ATE1: variants seen among roughly 807,000 people sequenced by gnomAD.
ATE1 encodes the protein arginyl-tRNA--protein transferase 1.
A neutral mutation model predicts 70.5 loss-of-function variants in ATE1; 36 were observed. The ratio of observed to expected loss-of-function variants is 0.51; its 90% confidence interval spans 0.39 to 0.67. ATE1 has a LOEUF of 0.67. Among genes scored for constraint, ATE1 ranks in the 30% least tolerant of loss-of-function variants. ATE1 has a pLI of 0.00. For missense variants in ATE1, 593 were observed against 629.5 expected, an observed-to-expected ratio of 0.94 and a Z score of 0.62; for synonymous variants, 232 against 219.3, an observed-to-expected ratio of 1.06 and a Z score of -0.51.
chr10:121,856,839 G>A (rs568983566), intron 8 of ATE1, among the ~76,000 whole-genome samples: 11 of 152,280 alleles, frequency 7.2e-5, no homozygotes, highest in South Asian at 4.1e-4. Context: ...GCAACGAAGC[G>A]TAACAAAATG....
intron 11 of ATE1, among the ~76,000 whole-genome samples, chr10:121,773,108 C>T (rs893350043): frequency 6.6e-6 from 1 of 152,178 alleles, no homozygotes; most frequent in Non-Finnish European, 1.5e-5. Flanking sequence ...AGGAATGTAC[C>T]ATTACTTCAG....
At chr10:121,834,722 G>GA (rs953539146) in intron 10 of ATE1, among the ~76,000 whole-genome samples, 25 of 151,194 alleles carry the variant, frequency 1.7e-4, no homozygotes, top group Non-Finnish European at 3.2e-4. Context: ...GAAGAAAAAA[G>GA]AAAAAAAACA....
chr10:121,797,547 A>G (rs1946706908), intron 10 of ATE1, among the ~76,000 whole-genome samples: 1 of 151,290 alleles, frequency 6.6e-6, no homozygotes, highest in Non-Finnish European at 1.5e-5. Context: ...ATTTAAAAAT[A>G]GAATATTTCC....
intron 7 of ATE1, among the ~76,000 whole-genome samples, chr10:121,893,101 C>A (rs1226941425): frequency 6.6e-6 from 1 of 151,764 alleles, no homozygotes; most frequent in African/African-American, 2.4e-5. Flanking sequence ...CATAGTGAAA[C>A]CCCATCTCTA....
intron 5 of ATE1, among the ~76,000 whole-genome samples, chr10:121,904,667 C>A (rs1367874716): frequency 3.5e-5 from 5 of 141,742 alleles, no homozygotes; most frequent in Non-Finnish European, 6.1e-5. Flanking sequence ...AAAAAAATCC[C>A]AAAACAGGGT....
chr10:121,919,097 C>G (rs887068330), intron 3 of ATE1, among the ~76,000 whole-genome samples: 1 of 152,106 alleles, frequency 6.6e-6, no homozygotes, highest in Admixed American at 6.5e-5. Flanking sequence ...TAAAAGCTGG[C>G]CACCCTACCC....
At chr10:121,839,037 A>G (rs981648649) in intron 9 of ATE1, among the ~76,000 whole-genome samples, 8 of 152,156 alleles carry the variant, frequency 5.3e-5, no homozygotes, top group Non-Finnish European at 7.4e-5. Context: ...TTTTGCTTCA[A>G]GAGGTCAATC....
At chr10:121,871,739 G>C (rs1949868212) in intron 7 of ATE1, among the ~76,000 whole-genome samples, 3 of 151,152 alleles carry the variant, frequency 2.0e-5, no homozygotes, top group Admixed American at 2.0e-4. Flanking sequence ...CAAAAAAAAA[G>C]GAAAGAAAAG....
intron 2 of ATE1, among the ~76,000 whole-genome samples, 154 bp from the exon 3 acceptor site, chr10:121,922,565 C>G (rs1951924395): frequency 6.6e-6 from 1 of 152,200 alleles, no homozygotes; most frequent in African/African-American, 2.4e-5. Flanking sequence ...AAATAATCTT[C>G]AAAGTGCGTG....
intron 11 of ATE1, among the ~76,000 whole-genome samples, chr10:121,771,785 A>T (rs1231410531): frequency 1.3e-5 from 2 of 152,224 alleles, no homozygotes; most frequent in Non-Finnish European, 2.9e-5. Context: ...AAATGGAATG[A>T]GCAAAACAGC....
intron 3 of ATE1, among the ~76,000 whole-genome samples, chr10:121,921,358 A>C (rs1324792579): frequency 6.6e-6 from 1 of 151,460 alleles, no homozygotes; most frequent in Non-Finnish European, 1.5e-5. Flanking sequence ...AAAGATAAAT[A>C]AGCTTTCCTG....
At chr10:121,885,038 A>G (rs1016656987) in intron 7 of ATE1, among the ~76,000 whole-genome samples, 4 of 152,048 alleles carry the variant, frequency 2.6e-5, no homozygotes, top group African/African-American at 9.7e-5. Flanking sequence ...AGGCAGGTGG[A>G]TCACCTGAGA....
chr10:121,822,580 C>A (rs1296784261), intron 10 of ATE1, among the ~76,000 whole-genome samples: 2 of 152,116 alleles, frequency 1.3e-5, no homozygotes, highest in African/African-American at 4.8e-5. Context: ...GTAAGAGACA[C>A]GAATTCACAG....
intron 4 of ATE1, among the ~76,000 whole-genome samples, chr10:121,911,522 G>C (rs1951431676): frequency 6.6e-6 from 1 of 151,214 alleles, no homozygotes; most frequent in Admixed American, 6.6e-5. Context: ...TGGTGACCAA[G>C]CTCCTGCCAA....
chr10:121,831,402 C>A (rs73364413), intron 10 of ATE1, among the ~76,000 whole-genome samples: 4,971 of 152,262 alleles, frequency 0.033, 154 homozygotes, highest in African/African-American at 0.082. Flanking sequence ...ACAGACAACA[C>A]ACACACACAT....
At chr10:121,775,430 T>C (rs1213168314) in intron 11 of ATE1, among the ~76,000 whole-genome samples, 1 of 152,056 alleles carries the variant, frequency 6.6e-6, no homozygotes, top group Non-Finnish European at 1.5e-5. Context: ...CATGTATAAC[T>C]ATGTAACCAA....
At position 121,841,235 on chromosome 10, in the gene ATE1, C is replaced by A. The variant is rs773360525; in HGVS notation, c.1004G>T (p.Cys335Phe). Residue 335 changes from cysteine to phenylalanine, a missense_variant, in exon 9 of 12, where the codon TGT becomes TTT. Transcript: ENST00000224652. ...CTGCTGGTGAAAGGAGCCATAGCCA[C>A]AATCTGGCCCATTAGGGGGAGTCTC... is the stretch of plus-strand genomic sequence containing the variant. ...EAETPPNGPD[C>F]GYGSFHQQYW... 8 of 1,536,720 alleles carry A rather than the reference C, an allele frequency of 5.2e-6. No homozygotes were observed. In the Admixed American group the frequency reaches 1.1e-4, roughly 20 times the overall value.
intron 8 of ATE1, chr10:121,846,741 T>A (rs371406219): frequency 6.7e-6 from 1 of 148,724 alleles, no homozygotes; most frequent in Non-Finnish European, 1.5e-5. Context: ...AATAAATAAA[T>A]AAAATGTTAT....
chr10:121,896,534 C>T (rs1046317518), intron 7 of ATE1, among the ~76,000 whole-genome samples: 4 of 152,096 alleles, frequency 2.6e-5, no homozygotes, highest in Non-Finnish European at 4.4e-5. Context: ...CTTGGTCGGG[C>T]ACAGTAGTCC....
Sources: allele counts gnomAD v4.1 joint callset (sites outside exome capture counted in the v4.1 genomes callset), GRCh38; gene constraint gnomAD v4.1.1; transcripts MANE v1.5; gene names NCBI Gene and HGNC (gene_info 2026-07-23, HGNC 2026-07-21).